Variants in MSRA observed in about 807,000 individuals in gnomAD.
MSRA encodes the protein methionine sulfoxide reductase A.
A neutral mutation model predicts 31.3 loss-of-function variants in MSRA; 54 were observed. The observed-to-expected ratio is 1.73, with a 90% CI of 1.39 to 2.17. The LOEUF is 2.17. Among genes scored for constraint, MSRA ranks in the 30% most tolerant of loss-of-function variants. The pLI, the probability that MSRA is intolerant of heterozygous loss-of-function variation, is 0.00. For missense variants in MSRA, 507 were observed against 300.9 expected (o/e 1.69, Z -5.07); for synonymous variants, 169 against 116.5 (o/e 1.45, Z -2.90).
chr8:10,239,108 C>T (rs890271901), intron 2 of MSRA, among the ~76,000 whole-genome samples: 3 of 151,860 alleles, frequency 2.0e-5, no homozygotes, highest in South Asian at 2.1e-4. Flanking sequence ...CGTGAGTGGC[C>T]CATATACTAT....
intron 5 of MSRA, among the ~76,000 whole-genome samples, chr8:10,385,024 A>G (rs904731955): frequency 6.6e-6 from 1 of 152,166 alleles, no homozygotes; most frequent in East Asian, 1.9e-4. Flanking sequence ...GAAAAATAAA[A>G]TGATTCAGGG....
intron 1 of MSRA, among the ~76,000 whole-genome samples, chr8:10,185,136 C>A (rs1806905299): frequency 6.6e-6 from 1 of 152,202 alleles, no homozygotes; most frequent in African/African-American, 2.4e-5. Context: ...CCCTGCTGAT[C>A]TCTCATCTCT....
chr8:10,284,332 G>T (rs1337634666), intron 3 of MSRA, among the ~76,000 whole-genome samples: 1 of 151,936 alleles, frequency 6.6e-6, no homozygotes, highest in Admixed American at 6.6e-5. Context: ...GGGACTATAG[G>T]CGCCCGCCAC....
chr8:10,076,873 G>A (rs1047548032), intron 1 of MSRA, among the ~76,000 whole-genome samples: 2 of 151,998 alleles, frequency 1.3e-5, no homozygotes, highest in Admixed American at 6.6e-5. Flanking sequence ...ATGGGGGGCT[G>A]GGGAAGAGCA....
intron 1 of MSRA, among the ~76,000 whole-genome samples, chr8:10,106,076 G>C (rs1452356890): frequency 3.3e-5 from 5 of 152,198 alleles, no homozygotes; most frequent in African/African-American, 1.2e-4. Context: ...TCAAACATTT[G>C]GCACCACTGC....
At chr8:10,314,606 A>C (rs1801612413) in intron 4 of MSRA, among the ~76,000 whole-genome samples, 1 of 152,222 alleles carries the variant, frequency 6.6e-6, no homozygotes, top group South Asian at 2.1e-4. Context: ...CATGTACTTA[A>C]GTTGAAGACA....
At chr8:10,331,954 G>A (rs1345803451) in intron 5 of MSRA, among the ~76,000 whole-genome samples, 1 of 152,192 alleles carries the variant, frequency 6.6e-6, no homozygotes, top group East Asian at 1.9e-4. Flanking sequence ...AGGATACGGA[G>A]GGCCGACTGT....
intron 5 of MSRA, among the ~76,000 whole-genome samples, chr8:10,334,646 C>T (rs1802914094): frequency 6.6e-6 from 1 of 152,174 alleles, no homozygotes; most frequent in South Asian, 2.1e-4. Flanking sequence ...TTTAACGCTT[C>T]CAGAGATCAG....
At chr8:10,232,869 C>G (rs540256714) in intron 2 of MSRA, among the ~76,000 whole-genome samples, 1 of 152,314 alleles carries the variant, frequency 6.6e-6, no homozygotes, top group Admixed American at 6.5e-5. Context: ...AAATTTGATT[C>G]AGTGACACAG....
chr8:10,340,884 C>T (rs1276101252), intron 5 of MSRA, among the ~76,000 whole-genome samples: 1 of 152,206 alleles, frequency 6.6e-6, no homozygotes, highest in Non-Finnish European at 1.5e-5. Context: ...ACAGAAAGAA[C>T]AGTTCTTGTG....
intron 5 of MSRA, among the ~76,000 whole-genome samples, chr8:10,387,451 A>T (rs940262347): frequency 6.6e-6 from 1 of 152,210 alleles, no homozygotes; most frequent in Non-Finnish European, 1.5e-5. Context: ...AGACTCTAAG[A>T]AGGGTCAGGG....
chr8:10,114,911 T>C (rs990558348), intron 1 of MSRA, among the ~76,000 whole-genome samples: 1 of 152,220 alleles, frequency 6.6e-6, no homozygotes, highest in Non-Finnish European at 1.5e-5. Context: ...CTGGAATGTT[T>C]AAATGCATGA....
At chr8:10,083,564 C>G (rs1165172086) in intron 1 of MSRA, among the ~76,000 whole-genome samples, 1 of 152,148 alleles carries the variant, frequency 6.6e-6, no homozygotes, top group African/African-American at 2.4e-5. Context: ...CCTACAGTGT[C>G]TAATTTTTCT....
intron 3 of MSRA, among the ~76,000 whole-genome samples, chr8:10,296,354 A>G (rs1263389411): frequency 6.6e-6 from 1 of 152,234 alleles, no homozygotes; most frequent in Non-Finnish European, 1.5e-5. Flanking sequence ...GTTAATAGCA[A>G]TAACAATAGA....
intron 3 of MSRA, among the ~76,000 whole-genome samples, chr8:10,258,710 G>A (rs1168539380): frequency 2.0e-5 from 3 of 152,176 alleles, no homozygotes; most frequent in Non-Finnish European, 4.4e-5. Context: ...CTCCCACGTG[G>A]CAACTCTTCC....
chr8:10,193,579 T>C (rs1425236027), intron 1 of MSRA, among the ~76,000 whole-genome samples: 3 of 152,156 alleles, frequency 2.0e-5, no homozygotes, highest in Non-Finnish European at 4.4e-5. Context: ...AGCAGTGTGT[T>C]TAAAGAGCCA....
intron 5 of MSRA, among the ~76,000 whole-genome samples, chr8:10,371,836 G>A (rs1414625559): frequency 6.6e-6 from 1 of 152,164 alleles, no homozygotes; most frequent in Non-Finnish European, 1.5e-5. Flanking sequence ...TGTCTTGCAG[G>A]ACTTGGGACA....
chr8:10,071,075 T>C (rs139509229), intron 1 of MSRA, among the ~76,000 whole-genome samples: 4 of 152,212 alleles, frequency 2.6e-5, no homozygotes, highest in Admixed American at 1.3e-4. Context: ...CATAAGAAAC[T>C]GCCAAACTGT....
intron 3 of MSRA, among the ~76,000 whole-genome samples, chr8:10,276,482 G>C (rs1799328474): frequency 6.6e-6 from 1 of 152,182 alleles, no homozygotes. Flanking sequence ...ACCAGCTGCT[G>C]CCTCAATGGA....
Sources: allele counts gnomAD v4.1 joint callset (sites outside exome capture counted in the v4.1 genomes callset), GRCh38; gene constraint gnomAD v4.1.1; transcripts MANE v1.5; gene names NCBI Gene and HGNC (gene_info 2026-07-23, HGNC 2026-07-21).